GNAI1: variants seen among roughly 807,000 people sequenced by gnomAD.
GNAI1 encodes the protein G protein subunit alpha i1.
In GNAI1, 11 loss-of-function variants were observed where a neutral mutation model predicts 38.9. The ratio of observed to expected loss-of-function variants is 0.28; its 90% CI spans 0.18 to 0.47. The LOEUF is 0.47. GNAI1 is among the 20% of genes least tolerant of loss of function. The probability of loss-of-function intolerance (pLI) is 0.99; values close to 1 mark genes in which losing one functional copy is unlikely to be tolerated. For missense variants in GNAI1, 317 were observed against 436.9 expected (o/e 0.73, Z 2.45); for synonymous variants, 166 against 145.1 (o/e 1.14, Z -1.04).
Position 80,217,606 on chromosome 7 carries a change from T to A in GNAI1, c.*113T>A. 2 of 553,270 alleles carry A rather than the reference T, an allele frequency of 3.6e-6. No homozygotes were observed. Among genetic ancestry groups the A allele is most frequent in the Non-Finnish European group, 6.1e-6 (2 of 327,500 alleles). The allele number at this position is 553,270 out of a possible 1,614,324, so 34.3% of individuals were successfully genotyped here. A position where few individuals can be genotyped will look rare whatever the true frequency, so the allele number is the denominator to read the frequency against. ...GAATGTAATATAAGGCAAATGCATC[T>A]GGGACTTGACCAAAGTTGTTCTGTT... On this transcript the variant is annotated 3_prime_UTR_variant, in exon 8 of 8. Coordinates refer to ENST00000649796, the MANE Select transcript of GNAI1 (RefSeq NM_002069.6).
chr7:80,151,640 G>A (rs1236330763), intron 1 of GNAI1, among the ~76,000 whole-genome samples: 1 of 152,200 alleles, frequency 6.6e-6, no homozygotes, highest in African/African-American at 2.4e-5. Flanking sequence ...CATCATGAAT[G>A]AAAAGGCTCA....
intron 3 of GNAI1, among the ~76,000 whole-genome samples, chr7:80,197,827 C>T (rs1439018453): frequency 6.6e-6 from 1 of 152,078 alleles, no homozygotes; most frequent in Non-Finnish European, 1.5e-5. Flanking sequence ...CACAAATTGG[C>T]AACAGCATGA....
intron 5 of GNAI1, among the ~76,000 whole-genome samples, chr7:80,207,785 A>C (rs969297929): frequency 6.6e-6 from 1 of 152,100 alleles, no homozygotes; most frequent in African/African-American, 2.4e-5. Flanking sequence ...AAATGGTATT[A>C]ACAAATTCAA....
intron 1 of GNAI1, among the ~76,000 whole-genome samples, chr7:80,149,392 T>G (rs909280088): frequency 6.6e-6 from 1 of 152,134 alleles, no homozygotes; most frequent in Non-Finnish European, 1.5e-5. Context: ...TTTGAACCCT[T>G]TTAAAGCTTA....
At chr7:80,197,110 C>T (rs978108492) in intron 3 of GNAI1, among the ~76,000 whole-genome samples, 8 of 151,586 alleles carry the variant, frequency 5.3e-5, no homozygotes, top group African/African-American at 1.7e-4. Context: ...CTCCCCCACC[C>T]CATAACCATA....
At chr7:80,206,580 A>T (rs1788781023) in intron 5 of GNAI1, among the ~76,000 whole-genome samples, 1 of 151,948 alleles carries the variant, frequency 6.6e-6, no homozygotes, top group African/African-American at 2.4e-5. Flanking sequence ...TGGGACTTAG[A>T]ATTTTTTTTT....
chr7:80,165,888 T>C (rs866527949), intron 1 of GNAI1, among the ~76,000 whole-genome samples: 4 of 152,288 alleles, frequency 2.6e-5, no homozygotes, highest in Middle Eastern at 3.4e-3. Context: ...TATTATCTCG[T>C]TTGATCTTTG....
chr7:80,215,017 A>G (rs1284621694), intron 7 of GNAI1, among the ~76,000 whole-genome samples: 1 of 152,048 alleles, frequency 6.6e-6, no homozygotes, highest in African/African-American at 2.4e-5. Context: ...CTGAAGCTCA[A>G]ACAGAACTCT....
At chr7:80,217,229 T>TGAAACTGACTTCAGTTTCATAGGTAG in intron 7 of GNAI1, 74 bp from the exon 8 acceptor site, 1 of 1,004,984 alleles carries the variant, frequency 1.0e-6, no homozygotes, top group Non-Finnish European at 1.5e-6. Flanking sequence ...TTCATATGTA[T>TGAAACTGACTTCAGTTTCATAGGTAG]GAAACTGAAT....
rs1035203185 is a variant in GNAI1 at position 80,218,689 on chromosome 7, ACTTG to A, written c.*1201_*1204del. On this transcript the variant is annotated 3_prime_UTR_variant, in exon 8 of 8. Transcript: ENST00000649796. ...TCCCTTAGATAATTCAAATTTCTCC[ACTTG>A]CTTGAGATTATATCATTTCTTTTTC... 6.6e-6 allele frequency: 1 copy of A among 152,122 alleles called. No individual in the cohort carries two copies. Among genetic ancestry groups the A allele is most frequent in the South Asian group, 2.1e-4 (1 of 4,830 alleles). 9.4% of individuals were successfully genotyped at this position (152,122 alleles called of 1,614,324 possible).
chr7:80,135,177 G>A lies in GNAI1; in HGVS notation c.17G>A (p.Ser6Asn). The A allele has an allele frequency of 6.5e-7, 1 of 1,540,850 alleles. No homozygotes were observed. The highest frequency in any genetic ancestry group is 1.2e-5 in the South Asian group (1 of 82,102). ...TTCGGCACCATGGGCTGCACGCTGA[G>A]CGCCGAGGACAAGGCGGCGGTGGAG... MGCTL[S>N]AEDKAAVERS... Residue 6 changes from serine (S) to asparagine (N), a missense_variant, in exon 1 of 8, where the codon AGC (serine) becomes AAC (asparagine). By Grantham distance (46) the Ser-to-Asn change is conservative. This residue lies in a region of GNAI1 where 37 missense variants were observed against 26.2 expected (regional missense o/e 1.41). Transcript: ENST00000649796.
At chr7:80,163,553 G>T (rs1328773587) in intron 1 of GNAI1, among the ~76,000 whole-genome samples, 1 of 152,188 alleles carries the variant, frequency 6.6e-6, no homozygotes, top group African/African-American at 2.4e-5. Context: ...TGAGCATTTT[G>T]AGTCCAAGTT....
At chr7:80,216,208 G>A (rs1584058327) in intron 7 of GNAI1, among the ~76,000 whole-genome samples, 1 of 150,410 alleles carries the variant, frequency 6.6e-6, no homozygotes, top group Non-Finnish European at 1.5e-5. Context: ...CAGCATAAGT[G>A]CGTGTTTAAA....
chr7:80,173,908 T>A (rs1237663407), intron 1 of GNAI1, among the ~76,000 whole-genome samples: 1 of 152,106 alleles, frequency 6.6e-6, no homozygotes, highest in African/African-American at 2.4e-5. Flanking sequence ...TAGAGGTGCC[T>A]TGATTGGGAA....
chr7:80,186,934 T>G (rs746640907), intron 1 of GNAI1: 6 of 152,218 alleles, frequency 3.9e-5, no homozygotes, highest in Non-Finnish European at 7.3e-5. Flanking sequence ...TGTTGTTGAT[T>G]AATAAATAAT....
At chr7:80,163,321 A>G (rs1319955937) in intron 1 of GNAI1, among the ~76,000 whole-genome samples, 3 of 152,186 alleles carry the variant, frequency 2.0e-5, no homozygotes, top group Non-Finnish European at 4.4e-5. Context: ...GGGTAGGTTC[A>G]TACCTGTTTA....
intron 4 of GNAI1, among the ~76,000 whole-genome samples, chr7:80,202,331 G>A (rs1382334771): frequency 3.3e-5 from 5 of 152,110 alleles, no homozygotes; most frequent in Non-Finnish European, 5.9e-5. Context: ...CTCGTGATCC[G>A]CCCACCTCGG....
At chr7:80,179,936 A>G (rs537563776) in intron 1 of GNAI1, among the ~76,000 whole-genome samples, 1 of 151,996 alleles carries the variant, frequency 6.6e-6, no homozygotes, top group Non-Finnish European at 1.5e-5. Flanking sequence ...CAGTAAACCT[A>G]TTTTTTGCCG....
chr7:80,196,507 A>G (rs1455249959), intron 3 of GNAI1, among the ~76,000 whole-genome samples: 2 of 151,984 alleles, frequency 1.3e-5, no homozygotes, highest in African/African-American at 2.4e-5. Context: ...ACCTCATTCC[A>G]TGGCAAGATA....
Sources: gnomAD v4.1 joint callset for allele counts (sites outside exome capture counted in the v4.1 genomes callset) on GRCh38, gnomAD v4.1.1 for gene constraint, gnomAD v4.1.1 regional missense constraint, MANE v1.5 for transcripts, NCBI Gene and HGNC (gene_info 2026-07-23, HGNC 2026-07-21) for gene names.